Variants in POLK observed in about 807,000 individuals in gnomAD.
POLK encodes polymerase (DNA directed) kappa.
A neutral mutation model predicts 94.0 loss-of-function variants in POLK; 76 were observed. That is an observed-to-expected ratio of 0.81 (90% confidence interval 0.67 to 0.98). The LOEUF (loss-of-function observed/expected upper bound fraction) is 0.98, where lower values mean the gene tolerates loss of function less well. Ranked by LOEUF, POLK falls within the 50% of genes least tolerant of loss-of-function variation. The pLI, the probability that POLK is intolerant of heterozygous loss-of-function variation, is 0.00. For missense variants in POLK, 954 were observed against 1,010.1 expected, an observed-to-expected ratio of 0.94 and a Z score of 0.75; for synonymous variants, 349 against 325.4, an observed-to-expected ratio of 1.07 and a Z score of -0.78.
At chr5:75,551,684 C>T (rs894817491) in intron 2 of POLK, among the ~76,000 whole-genome samples, 2 of 152,120 alleles carry the variant, frequency 1.3e-5, no homozygotes, top group Admixed American at 6.5e-5. Flanking sequence ...GCTACTATTG[C>T]TTAGAATAGC....
At chr5:75,521,859 G>T (rs1036197855) in intron 1 of POLK, among the ~76,000 whole-genome samples, 1 of 152,108 alleles carries the variant, frequency 6.6e-6, no homozygotes, top group Non-Finnish European at 1.5e-5. Context: ...TAAAGGATCA[G>T]AGTGTTGCCT....
intron 6 of POLK, among the ~76,000 whole-genome samples, chr5:75,580,156 T>C (rs1270245088): frequency 2.0e-5 from 3 of 152,078 alleles, no homozygotes; most frequent in Non-Finnish European, 4.4e-5. Context: ...AATTTTTTCC[T>C]AAACAGCCAA....
exon 2 of POLK, chr5:75,547,071 C>G: frequency 6.6e-7 from 1 of 1,525,900 alleles, no homozygotes; most frequent in Admixed American, 1.8e-5. Context: ...TGATCTTCTG[C>G]TTAGGATGGG....
intron 1 of POLK, among the ~76,000 whole-genome samples, chr5:75,536,427 C>A (rs979234879): frequency 6.6e-6 from 1 of 152,176 alleles, no homozygotes; most frequent in Non-Finnish European, 1.5e-5. Flanking sequence ...ATTGGAAGTT[C>A]TCGTAGATGT....
chr5:75,596,581 G>T (rs1322468124), exon 13 of POLK: 3 of 1,613,648 alleles, frequency 1.9e-6, no homozygotes, highest in Admixed American at 3.3e-5. Flanking sequence ...TTGCTTTAGG[G>T]CTCAAGGGTG....
At chr5:75,551,045 G>T (rs764604710) in intron 2 of POLK, among the ~76,000 whole-genome samples, 1 of 152,036 alleles carries the variant, frequency 6.6e-6, no homozygotes, top group Non-Finnish European at 1.5e-5. Context: ...AACATAGTGA[G>T]ACCCTGTCTC....
chr5:75,561,007 A>G (rs1289939281), intron 3 of POLK, among the ~76,000 whole-genome samples: 2 of 152,202 alleles, frequency 1.3e-5, no homozygotes, highest in Admixed American at 6.5e-5. Flanking sequence ...AGAATGATTT[A>G]TAATCTTTTG....
intron 1 of POLK, among the ~76,000 whole-genome samples, chr5:75,520,598 G>A (rs2112534230): frequency 6.6e-6 from 1 of 152,248 alleles, no homozygotes. Context: ...AAGGTCTTAT[G>A]ATGTTGCCCA....
intron 1 of POLK, among the ~76,000 whole-genome samples, chr5:75,544,075 A>T (rs1769885236): frequency 6.6e-6 from 1 of 152,164 alleles, no homozygotes; most frequent in African/African-American, 2.4e-5. Flanking sequence ...GGGCTTAACC[A>T]ATCCTCCTGC....
chr5:75,607,176 G>A, the POLK span, among the ~76,000 whole-genome samples: 1 of 152,250 alleles, frequency 6.6e-6, no homozygotes, highest in East Asian at 1.9e-4. Flanking sequence ...GGATATAAAA[G>A]GAAGTACTGG....
chr5:75,529,323 G>A (rs141963125), intron 1 of POLK, among the ~76,000 whole-genome samples: 185 of 152,162 alleles, frequency 1.2e-3, no homozygotes, highest in African/African-American at 4.0e-3. Context: ...TGAACTCAGA[G>A]CAAGAACTCA....
At chr5:75,574,645 C>A (rs1771773589) in intron 5 of POLK, among the ~76,000 whole-genome samples, 1 of 152,282 alleles carries the variant, frequency 6.6e-6, no homozygotes, top group Admixed American at 6.5e-5. Flanking sequence ...TACCAGGGGT[C>A]TTTAAATTCA....
At chr5:75,511,544 G>A, upstream of POLK, 1 of 1,458,514 alleles carries the variant, frequency 6.9e-7, no homozygotes, top group Non-Finnish European at 9.0e-7. Flanking sequence ...AAAGGGAAAA[G>A]AAGGGAAGAG....
At chr5:75,514,881 CA>C (rs1235574576) in intron 1 of POLK, among the ~76,000 whole-genome samples, 1 of 151,754 alleles carries the variant, frequency 6.6e-6, no homozygotes, top group Non-Finnish European at 1.5e-5. Context: ...AAAAAAATTC[CA>C]AAAAACTATT....
intron 2 of POLK, among the ~76,000 whole-genome samples, chr5:75,548,001 G>A (rs750054258): frequency 2.0e-5 from 3 of 152,044 alleles, no homozygotes; most frequent in South Asian, 2.1e-4. Flanking sequence ...ATAATAGCTC[G>A]TTACAGCCTC....
At chr5:75,540,226 T>C (rs552885591) in intron 1 of POLK, among the ~76,000 whole-genome samples, 1 of 152,150 alleles carries the variant, frequency 6.6e-6, no homozygotes, top group Admixed American at 6.5e-5. Flanking sequence ...AATAGCACAG[T>C]ATCTCAATTT....
At chr5:75,528,905 T>G (rs1769002919) in intron 1 of POLK, among the ~76,000 whole-genome samples, 2 of 152,216 alleles carry the variant, frequency 1.3e-5, no homozygotes, top group South Asian at 4.1e-4. Flanking sequence ...TATCCCTTGG[T>G]ATCCATGGGG....
At chr5:75,546,382 C>T (rs1770018587) in intron 1 of POLK, among the ~76,000 whole-genome samples, 1 of 152,028 alleles carries the variant, frequency 6.6e-6, no homozygotes, top group South Asian at 2.1e-4. Context: ...TGGGGTTGGT[C>T]TTTCTGTCTT....
Position 75,596,534 on chromosome 5 carries a change from A to C in POLK, c.1841A>C (p.Glu614Ala), listed in dbSNP as rs1477614204. The C allele has an allele frequency of 1.9e-6, 3 of 1,613,894 alleles. No homozygotes were observed. The South Asian group carries it at 3.3e-5, about 18-fold the overall frequency. ...ATGAATGAGAATTTGGAAATATCAG[A>C]GAATTCAGATGACTGTCAGATACTT... Residue 614 changes from glutamate to alanine, a missense_variant, in exon 13 of 15, where the codon GAG becomes GCG. By Grantham distance (107) the Glu-to-Ala change is moderately radical (BLOSUM62 -1). Transcript: ENST00000241436.
Sources: gnomAD v4.1 joint callset for allele counts (sites outside exome capture counted in the v4.1 genomes callset) on GRCh38, gnomAD v4.1.1 for gene constraint, MANE v1.5 for transcripts, NCBI Gene and HGNC (gene_info 2026-07-23, HGNC 2026-07-21) for gene names.